TAS2R1: variants seen among roughly 807,000 people sequenced by gnomAD.
TAS2R1 encodes taste receptor type 2 member 1.
For missense variants in TAS2R1, 370 were observed against 353.4 expected (o/e 1.05, Z -0.38); for synonymous variants, 141 against 134.2 (o/e 1.05, Z -0.35).
the TAS2R1 span, among the ~76,000 whole-genome samples, chr5:9,853,290 C>G: frequency 6.6e-6 from 1 of 152,224 alleles, no homozygotes; most frequent in East Asian, 1.9e-4. Flanking sequence ...TCCCGCAGAG[C>G]AGGGCTACCC....
At chr5:9,674,248 A>G (rs1200672680) in intron 1 of TAS2R1, among the ~76,000 whole-genome samples, 2 of 152,216 alleles carry the variant, frequency 1.3e-5, no homozygotes, top group African/African-American at 2.4e-5. Context: ...TTAGTCTTCA[A>G]TAAAGCAGTA....
At chr5:9,859,587 G>A in the TAS2R1 span, among the ~76,000 whole-genome samples, 2 of 152,146 alleles carry the variant, frequency 1.3e-5, no homozygotes, top group Admixed American at 6.5e-5. Flanking sequence ...AACTGTCTGG[G>A]GAGTGGCCAT....
At chr5:9,868,649 T>C in the TAS2R1 span, among the ~76,000 whole-genome samples, 2 of 152,234 alleles carry the variant, frequency 1.3e-5, no homozygotes, top group African/African-American at 4.8e-5. Flanking sequence ...TGACTAACAT[T>C]TGGCTCCTCA....
chr5:9,745,635 T>G, the TAS2R1 span, among the ~76,000 whole-genome samples: 1 of 152,028 alleles, frequency 6.6e-6, no homozygotes, highest in African/African-American at 2.4e-5. Context: ...CCATCTGACC[T>G]TCAACAAACC....
At chr5:9,836,926 G>A in the TAS2R1 span, among the ~76,000 whole-genome samples, 2 of 152,192 alleles carry the variant, frequency 1.3e-5, no homozygotes, top group East Asian at 3.9e-4. Flanking sequence ...GTAACACTGA[G>A]TTGGTCTTAA....
chr5:9,818,318 G>A, the TAS2R1 span, among the ~76,000 whole-genome samples: 1 of 152,202 alleles, frequency 6.6e-6, no homozygotes, highest in African/African-American at 2.4e-5. Flanking sequence ...CAGAGTCAGA[G>A]ATTTGGGCGA....
At chr5:9,726,199 T>G in the TAS2R1 span, among the ~76,000 whole-genome samples, 5 of 152,188 alleles carry the variant, frequency 3.3e-5, no homozygotes, top group African/African-American at 1.2e-4. Context: ...CCTCAGGGTT[T>G]GTGAATGCAC....
At chr5:9,829,420 T>C in the TAS2R1 span, among the ~76,000 whole-genome samples, 1 of 152,166 alleles carries the variant, frequency 6.6e-6, no homozygotes, top group Non-Finnish European at 1.5e-5. Context: ...GTCATTCCTC[T>C]AAGAACATCT....
the TAS2R1 span, among the ~76,000 whole-genome samples, chr5:9,814,096 A>C: frequency 6.6e-6 from 1 of 152,208 alleles, no homozygotes; most frequent in Non-Finnish European, 1.5e-5. Flanking sequence ...TTACAGGTAA[A>C]GTACTTTCCT....
intron 1 of TAS2R1, among the ~76,000 whole-genome samples, chr5:9,664,134 C>A (rs1740587116): frequency 6.6e-6 from 1 of 152,090 alleles, no homozygotes; most frequent in Non-Finnish European, 1.5e-5. Flanking sequence ...TCGAACCATG[C>A]CTCCCTCATC....
At chr5:9,851,090 T>C in the TAS2R1 span, among the ~76,000 whole-genome samples, 7 of 152,192 alleles carry the variant, frequency 4.6e-5, no homozygotes. Context: ...TATTGCTGCC[T>C]GCAAGACAGC....
intron 2 of TAS2R1, among the ~76,000 whole-genome samples, chr5:9,654,343 G>A (rs1000261535): frequency 1.3e-5 from 2 of 151,996 alleles, no homozygotes; most frequent in Admixed American, 1.3e-4. Context: ...TTAGAAGGCT[G>A]GAACAATCTT....
chr5:9,748,491 G>A, the TAS2R1 span, among the ~76,000 whole-genome samples: 1 of 152,118 alleles, frequency 6.6e-6, no homozygotes, highest in Non-Finnish European at 1.5e-5. Flanking sequence ...TCATGATTCT[G>A]GTGACTGGAG....
the TAS2R1 span, among the ~76,000 whole-genome samples, chr5:9,759,633 T>C: frequency 6.6e-6 from 1 of 152,236 alleles, no homozygotes; most frequent in Non-Finnish European, 1.5e-5. Flanking sequence ...CGAGTTTTTC[T>C]GGTAAGTGGT....
the TAS2R1 span, among the ~76,000 whole-genome samples, chr5:9,797,241 T>C: frequency 6.6e-6 from 1 of 152,176 alleles, no homozygotes; most frequent in South Asian, 2.1e-4. Flanking sequence ...GACTGGAAGG[T>C]TTGCTACTGG....
At chr5:9,748,719 T>C in the TAS2R1 span, among the ~76,000 whole-genome samples, 1 of 152,212 alleles carries the variant, frequency 6.6e-6, no homozygotes, top group Non-Finnish European at 1.5e-5. Flanking sequence ...AATCTATTCA[T>C]GAGGAGTCTG....
chr5:9,864,667 C>A, the TAS2R1 span, among the ~76,000 whole-genome samples: 1 of 149,818 alleles, frequency 6.7e-6, no homozygotes, highest in African/African-American at 2.4e-5. Context: ...TAGCCTATCA[C>A]CATAGGCTAC....
chr5:9,656,009 T>G (rs971844179), intron 2 of TAS2R1, among the ~76,000 whole-genome samples: 2 of 152,138 alleles, frequency 1.3e-5, no homozygotes, highest in Non-Finnish European at 2.9e-5. Flanking sequence ...ATAGGAGCCC[T>G]GCTTTGCAAT....
chr5:9,830,008 TGTCACACATGGTCA>T, the TAS2R1 span, among the ~76,000 whole-genome samples: 1 of 152,190 alleles, frequency 6.6e-6, no homozygotes, highest in African/African-American at 2.4e-5. Context: ...CCATTGACCT[TGTCACACATGGTCA>T]CAAGGATAAG....
Sources: gnomAD v4.1 joint callset for allele counts (sites outside exome capture counted in the v4.1 genomes callset) on GRCh38, gnomAD v4.1.1 for gene constraint, MANE v1.5 for transcripts, NCBI Gene and HGNC (gene_info 2026-07-23, HGNC 2026-07-21) for gene names.